CNBD1: variants seen among roughly 807,000 people sequenced by gnomAD.
CNBD1 encodes cyclic nucleotide-binding domain-containing protein 1.
Under a neutral mutation model 54.4 loss-of-function variants are expected in CNBD1, and 71 were observed. The ratio of observed to expected loss-of-function variants is 1.30; its 90% confidence interval spans 1.08 to 1.59. The LOEUF (loss-of-function observed/expected upper bound fraction) is 1.59, where lower values mean the gene tolerates loss of function less well. Among genes scored for constraint, CNBD1 ranks in the 40% most tolerant of loss-of-function variants. The pLI is 0.00. For missense variants in CNBD1, 659 were observed against 518.0 expected, an observed-to-expected ratio of 1.27 and a Z score of -2.64; for synonymous variants, 182 against 170.7, an observed-to-expected ratio of 1.07 and a Z score of -0.51.
At chr8:87,285,375 T>A (rs1331240874) in intron 7 of CNBD1, among the ~76,000 whole-genome samples, 1 of 152,172 alleles carries the variant, frequency 6.6e-6, no homozygotes, top group African/African-American at 2.4e-5. Flanking sequence ...TATTCTCTTC[T>A]AATCAAATCC....
At chr8:87,207,499 A>C (rs765230086) in intron 5 of CNBD1, among the ~76,000 whole-genome samples, 1 of 151,958 alleles carries the variant, frequency 6.6e-6, no homozygotes, top group Non-Finnish European at 1.5e-5. Context: ...TTTTTAAACT[A>C]TACAAGTGGG....
chr8:87,250,628 A>C (rs2130838777), intron 6 of CNBD1, among the ~76,000 whole-genome samples: 1 of 152,334 alleles, frequency 6.6e-6, no homozygotes, highest in Non-Finnish European at 1.5e-5. Flanking sequence ...ACATAATGGG[A>C]TATTATTTAG....
At chr8:87,264,803 G>C (rs187176877) in intron 6 of CNBD1, among the ~76,000 whole-genome samples, 2 of 152,220 alleles carry the variant, frequency 1.3e-5, no homozygotes, top group East Asian at 1.9e-4. Flanking sequence ...GTCTTCTTTT[G>C]AGAAGTGTCT....
chr8:87,362,762 A>G (rs956994337), intron 10 of CNBD1, among the ~76,000 whole-genome samples: 1 of 152,086 alleles, frequency 6.6e-6, no homozygotes, highest in Non-Finnish European at 1.5e-5. Flanking sequence ...CCTTTTAGAT[A>G]CCAATTTTGC....
At chr8:86,904,366 G>A (rs1442252830) in intron 2 of CNBD1, among the ~76,000 whole-genome samples, 1 of 151,930 alleles carries the variant, frequency 6.6e-6, no homozygotes, top group African/African-American at 2.4e-5. Flanking sequence ...ATTGAATTAG[G>A]TGGATTTTCC....
intron 4 of CNBD1, among the ~76,000 whole-genome samples, chr8:87,123,539 A>G (rs184803394): frequency 1.3e-5 from 2 of 151,896 alleles, no homozygotes; most frequent in African/African-American, 4.8e-5. Flanking sequence ...AAGGACATTT[A>G]TAGCATTTAA....
intron 4 of CNBD1, among the ~76,000 whole-genome samples, chr8:87,177,526 C>T (rs560682821): frequency 3.3e-5 from 5 of 152,200 alleles, no homozygotes; most frequent in South Asian, 4.2e-4. Context: ...CTGAACAAAT[C>T]GAGCATTGAT....
rs148887819 is a variant in CNBD1 at position 86,885,777 on chromosome 8, T to C, written c.89-1765T>C. On this transcript the variant is annotated intron_variant, in intron 1 of 10. Coordinates refer to ENST00000518476, the MANE Select transcript of CNBD1 (RefSeq NM_173538.3). Reference sequence around the variant, plus strand: ...AAAGAGATGTTTTGATGAATTAAAGTGTTCTTCTACTAGGCTGTGAGTGCT... The same window carrying C: ...AAAGAGATGTTTTGATGAATTAAAGCGTTCTTCTACTAGGCTGTGAGTGCT... Among the ~76,000 whole-genome samples, 1,148 of 152,308 alleles carry C rather than the reference T, an allele frequency of 7.5e-3. 7 individuals carry two copies. The highest frequency in any genetic ancestry group is 0.021 in the African/African-American group (870 of 41,556).
At chr8:87,140,519 C>T (rs935835979) in intron 4 of CNBD1, among the ~76,000 whole-genome samples, 3 of 151,956 alleles carry the variant, frequency 2.0e-5, no homozygotes, top group Non-Finnish European at 4.4e-5. Flanking sequence ...TGGAAAAGAG[C>T]CTTGATGGCT....
At chr8:87,257,553 A>C (rs1257217745) in intron 6 of CNBD1, among the ~76,000 whole-genome samples, 1 of 152,016 alleles carries the variant, frequency 6.6e-6, no homozygotes, top group South Asian at 2.1e-4. Flanking sequence ...AAATTGGATC[A>C]TTTTATATTT....
intron 4 of CNBD1, among the ~76,000 whole-genome samples, chr8:86,979,851 AATG>A (rs2130506681): frequency 6.6e-6 from 1 of 152,336 alleles, no homozygotes; most frequent in East Asian, 1.9e-4. Context: ...TTTATGAAGA[AATG>A]ATGATATAAG....
intron 4 of CNBD1, among the ~76,000 whole-genome samples, chr8:86,969,961 T>A (rs1409502418): frequency 1.3e-5 from 2 of 152,040 alleles, no homozygotes; most frequent in African/African-American, 4.8e-5. Context: ...CTGAAATATA[T>A]TAATATTTTC....
intron 3 of CNBD1, among the ~76,000 whole-genome samples, chr8:86,921,318 G>T (rs4375020): frequency 0.089 from 13,441 of 151,820 alleles, 823 homozygotes; most frequent in African/African-American, 0.18. Flanking sequence ...GAGCTCCAAG[G>T]TCTGTTGAAT....
chr8:87,064,510 T>C (rs113122080), intron 4 of CNBD1, among the ~76,000 whole-genome samples: 2,262 of 152,044 alleles, frequency 0.015, 48 homozygotes, highest in African/African-American at 0.051. Flanking sequence ...TACTTTTCTG[T>C]CTTTTAATTT....
chr8:86,992,824 G>A (rs2130531056), intron 4 of CNBD1, among the ~76,000 whole-genome samples: 1 of 152,272 alleles, frequency 6.6e-6, no homozygotes, highest in South Asian at 2.1e-4. Flanking sequence ...TCTGCTGCTA[G>A]TCTGATTGGG....
intron 4 of CNBD1, among the ~76,000 whole-genome samples, chr8:87,076,848 A>T (rs1810883978): frequency 1.3e-5 from 2 of 152,240 alleles, no homozygotes; most frequent in African/African-American, 4.8e-5. Context: ...AGAAATTCAA[A>T]GGACAAGCAT....
chr8:87,304,965 A>ACTGC (rs1231313641), intron 8 of CNBD1, among the ~76,000 whole-genome samples: 1 of 152,118 alleles, frequency 6.6e-6, no homozygotes, highest in Non-Finnish European at 1.5e-5. Flanking sequence ...AGGAAGTCAA[A>ACTGC]CTGCCACTGT....
chr8:87,077,384 A>G (rs963883092), intron 4 of CNBD1, among the ~76,000 whole-genome samples: 11 of 148,048 alleles, frequency 7.4e-5, no homozygotes, highest in Non-Finnish European at 1.3e-4. Context: ...ACGGCTAACT[A>G]GCTCTTAGGC....
At chr8:87,370,379 C>T (rs1013388154) in intron 10 of CNBD1, among the ~76,000 whole-genome samples, 1 of 152,122 alleles carries the variant, frequency 6.6e-6, no homozygotes, top group African/African-American at 2.4e-5. Context: ...CCACTACTCT[C>T]CAGCACCTGT....
Sources: allele counts gnomAD v4.1 joint callset (sites outside exome capture counted in the v4.1 genomes callset), GRCh38; gene constraint gnomAD v4.1.1; transcripts MANE v1.5; gene names NCBI Gene and HGNC (gene_info 2026-07-23, HGNC 2026-07-21).